MTR: variants seen among roughly 807,000 people sequenced by gnomAD.
MTR encodes 5-methyltetrahydrofolate-homocysteine methyltransferase.
In MTR, 84 loss-of-function variants were observed where a neutral mutation model predicts 154.8. That is an observed-to-expected ratio of 0.54 (90% CI 0.45 to 0.65). The LOEUF (loss-of-function observed/expected upper bound fraction) is 0.65. Among genes scored for constraint, MTR ranks in the 30% least tolerant of loss-of-function variants. The probability of loss-of-function intolerance (pLI) is 0.00; values close to 1 mark genes in which losing one functional copy is unlikely to be tolerated. For missense variants in MTR, 1,275 were observed against 1,570.2 expected, an observed-to-expected ratio of 0.81 and a Z score of 3.18; for synonymous variants, 554 against 553.9, an observed-to-expected ratio of 1.00 and a Z score of 0.00.
intron 22 of MTR, among the ~76,000 whole-genome samples, chr1:236,867,643 A>G (rs1664892643): frequency 6.6e-6 from 1 of 152,202 alleles, no homozygotes; most frequent in Non-Finnish European, 1.5e-5. Context: ...ACCATTCTAG[A>G]TGCCATTAAG....
At chr1:236,826,021 G>T (rs905543078) in intron 10 of MTR, among the ~76,000 whole-genome samples, 3 of 152,058 alleles carry the variant, frequency 2.0e-5, no homozygotes, top group Non-Finnish European at 4.4e-5. Flanking sequence ...TTGTCTCTTA[G>T]TTATGGTGTT....
chr1:236,817,626 A>C (rs1338908762), intron 8 of MTR, among the ~76,000 whole-genome samples: 1 of 152,204 alleles, frequency 6.6e-6, no homozygotes, highest in Non-Finnish European at 1.5e-5. Flanking sequence ...AACTCGCCCA[A>C]GGTGAAGTAA....
At chr1:236,896,440 C>T (rs1666627427) in intron 31 of MTR, among the ~76,000 whole-genome samples, 1 of 152,208 alleles carries the variant, frequency 6.6e-6, no homozygotes, top group Non-Finnish European at 1.5e-5. Flanking sequence ...AGCTGGGCGA[C>T]CTCTGGCAAA....
intron 8 of MTR, among the ~76,000 whole-genome samples, chr1:236,822,309 T>TTTC (rs1662007659): frequency 7.7e-6 from 1 of 130,596 alleles, no homozygotes; most frequent in Admixed American, 8.4e-5. Flanking sequence ...TGGGGTTTTT[T>TTTC]TTGTTTTTTT....
chr1:236,856,882 T>C (rs955338818), intron 18 of MTR, among the ~76,000 whole-genome samples: 2 of 152,244 alleles, frequency 1.3e-5, no homozygotes, highest in Non-Finnish European at 2.9e-5. Context: ...TATGGCTTCA[T>C]AGTATTCCAT....
intron 19 of MTR, 134 bp from the exon 20 acceptor site, chr1:236,860,991 G>A (rs2103299073): frequency 2.8e-6 from 2 of 720,668 alleles, no homozygotes; most frequent in Non-Finnish European, 4.5e-6. Context: ...GCCAGATTGA[G>A]TCCATGCACT....
At chr1:236,806,291 A>C in intron 3 of MTR, 58 bp downstream of exon 3, 2 of 1,368,800 alleles carry the variant, frequency 1.5e-6, no homozygotes, top group South Asian at 2.3e-5. Context: ...CTGCATTGGT[A>C]GTTGCTAGTG....
chr1:236,823,905 G>C (rs1250136792), intron 8 of MTR, among the ~76,000 whole-genome samples: 1 of 140,544 alleles, frequency 7.1e-6, no homozygotes, highest in Non-Finnish European at 1.5e-5. Context: ...CCCACAGGCA[G>C]CGTCTTTCAG....
At chr1:236,868,245 A>G (rs1664928587) in intron 22 of MTR, among the ~76,000 whole-genome samples, 1 of 152,202 alleles carries the variant, frequency 6.6e-6, no homozygotes, top group South Asian at 2.1e-4. Flanking sequence ...AAAAGGTTAC[A>G]ACTCACTGAA....
intron 29 of MTR, among the ~76,000 whole-genome samples, chr1:236,891,930 T>C (rs1486871254): frequency 6.6e-6 from 1 of 152,072 alleles, no homozygotes; most frequent in Non-Finnish European, 1.5e-5. Flanking sequence ...CCTGTACATA[T>C]CCCCAGTGGC....
intron 19 of MTR, among the ~76,000 whole-genome samples, chr1:236,860,340 G>T (rs1664463620): frequency 1.3e-5 from 2 of 152,032 alleles, no homozygotes; most frequent in Admixed American, 1.3e-4. Flanking sequence ...CTTTAAGCAA[G>T]ATCAGTAATC....
intron 32 of MTR, 77 bp from the exon 33 acceptor site, chr1:236,897,481 T>A (rs1430287579): frequency 5.9e-6 from 8 of 1,345,666 alleles, no homozygotes; most frequent in South Asian, 3.5e-5. Context: ...TTAATGTTTC[T>A]TGGCAAATCT....
Position 236,895,562 on chromosome 1 carries a change from G to T in MTR, c.3598+12G>T. The T allele has an allele frequency of 6.4e-7, 1 of 1,558,214 alleles. No individual in the cohort carries two copies. The highest frequency in any genetic ancestry group is 1.2e-5 in the South Asian group (1 of 84,534). On this transcript the variant is annotated intron_variant, in intron 31 of 32. Coordinates refer to ENST00000366577, the MANE Select transcript of MTR (RefSeq NM_000254.3). The stretch of plus-strand genomic sequence containing the variant: ...CGAGCAGTCTACAGGTAGGAGCCAG[G>T]AGGCTGCGGGTTCCTGTCTTCCTTC...
At chr1:236,870,888 A>G (rs1481918323) in intron 22 of MTR, among the ~76,000 whole-genome samples, 3 of 152,222 alleles carry the variant, frequency 2.0e-5, no homozygotes, top group Admixed American at 2.0e-4. Flanking sequence ...TCCTCTCGTC[A>G]GATAACCCGC....
chr1:236,869,719 A>AGGGAATGGAGG (rs1424689370), intron 22 of MTR, among the ~76,000 whole-genome samples: 5 of 151,628 alleles, frequency 3.3e-5, no homozygotes, highest in Admixed American at 1.3e-4. Context: ...TAGAGGTGAG[A>AGGGAATGGAGG]GGGATGGTGG....
intron 18 of MTR, among the ~76,000 whole-genome samples, chr1:236,858,825 A>G (rs545924886): frequency 8.3e-4 from 126 of 152,282 alleles, no homozygotes; most frequent in African/African-American, 2.8e-3. Context: ...CAATAAAGTA[A>G]TGCAATTTAT....
intron 5 of MTR, among the ~76,000 whole-genome samples, chr1:236,811,194 A>C (rs1661281723): frequency 6.6e-6 from 1 of 152,128 alleles, no homozygotes; most frequent in Non-Finnish European, 1.5e-5. Flanking sequence ...TAACCATCAG[A>C]TCTCGTAAGA....
intron 21 of MTR, among the ~76,000 whole-genome samples, chr1:236,862,558 A>G (rs943037753): frequency 6.6e-6 from 1 of 152,110 alleles, no homozygotes; most frequent in African/African-American, 2.4e-5. Flanking sequence ...TATAGATACA[A>G]TTTTTCAATC....
intron 8 of MTR, chr1:236,819,674 G>A (rs1386032862): frequency 4.6e-6 from 3 of 652,970 alleles, no homozygotes; most frequent in East Asian, 3.3e-5. Flanking sequence ...TGAAAGAGGA[G>A]GATGTCCTTA....
Sources: allele counts gnomAD v4.1 joint callset (sites outside exome capture counted in the v4.1 genomes callset), GRCh38; gene constraint gnomAD v4.1.1; transcripts MANE v1.5; gene names NCBI Gene and HGNC (gene_info 2026-07-23, HGNC 2026-07-21).